Variants in SMC1A observed in about 807,000 individuals in gnomAD.
SMC1A encodes structural maintenance of chromosomes 1A.
In SMC1A, 4 loss-of-function variants were observed where a neutral mutation model predicts 94.5. The ratio of observed to expected loss-of-function variants is 0.04; its 90% CI spans 0.02 to 0.10. SMC1A has a LOEUF of 0.10. SMC1A is among the 10% of genes least tolerant of loss of function. The pLI, the probability that SMC1A is intolerant of heterozygous loss-of-function variation, is 1.00. For synonymous variants in SMC1A, 345 were observed against 347.7 expected, an observed-to-expected ratio of 0.99 and a Z score of 0.09; for missense variants, 304 against 989.0, an observed-to-expected ratio of 0.31 and a Z score of 9.29.
intron 19 of SMC1A, among the ~76,000 whole-genome samples, chrX:53,384,410 C>T (rs782442051): frequency 9.1e-6 from 1 of 109,702 alleles, no homozygotes; most frequent in East Asian, 2.9e-4. Context: ...ACTACGGACA[C>T]GCACAACCAT....
chrX:53,391,711 T>C lies in SMC1A; in HGVS notation c.2973+3067A>G, dbSNP rs139983911. Among the ~76,000 whole-genome samples the C allele has an allele frequency of 3.7e-3, 417 of 111,359 alleles. 10 individuals carry two copies. The East Asian group carries it at 0.098, about 26-fold the overall frequency. ...CCAGCTAATTTTTAAAAATTAGCTC[T>C]TGGGCTCAAGCAATCCTCCTGCCTT... On this transcript the variant is annotated intron_variant, in intron 19 of 24. Coordinates refer to ENST00000322213, the MANE Select transcript of SMC1A (RefSeq NM_006306.4).
chrX:53,382,522 C>A lies in SMC1A; in HGVS notation c.3269G>T (p.Arg1090Leu). The A allele has an allele frequency of 8.3e-7, 1 of 1,209,747 alleles. No homozygotes were observed. The highest frequency in any genetic ancestry group is 1.1e-6 in the Non-Finnish European group (1 of 894,502). The change falls in exon 21 of 25, where the codon CGC (arginine) becomes CTC (leucine). Residue 1090 changes from arginine (R) to leucine (L), a missense_variant. Arg to Leu is a moderately radical substitution (Grantham distance 102). Transcript: ENST00000322213. ...NIDEIYKALS[R>L]NSSAQAFLGP... is the part of the protein sequence containing the mutation. ...CCAGCCTACCTGGGCACTGCTATTG[C>A]GGGACAGGGCCTTATAGATCTCATC...
intron 15 of SMC1A, among the ~76,000 whole-genome samples, chrX:53,402,465 G>A (rs1433305361): frequency 1.8e-5 from 2 of 108,585 alleles, no homozygotes; most frequent in African/African-American, 3.4e-5. Flanking sequence ...TCCACCTCAC[G>A]TTGCCCATTA....
intron 7 of SMC1A, 29 bp downstream of exon 7, chrX:53,411,732 T>C: frequency 8.3e-7 from 1 of 1,201,424 alleles, no homozygotes. Flanking sequence ...CTGTGGACCA[T>C]CATCCCTAAT....
chrX:53,414,753 C>T lies in SMC1A; in HGVS notation c.411+5G>A. 3 of 1,166,241 alleles carry T rather than the reference C, an allele frequency of 2.6e-6. No homozygotes were observed. Among genetic ancestry groups the T allele is most frequent in the Non-Finnish European group, 3.5e-6 (3 of 853,953 alleles). On this transcript the variant is annotated splice_donor_5th_base_variant and intron_variant, in intron 3 of 24. Transcript: ENST00000322213. ...AGATAGCCAATAACTGTTAAAAACGCCCACCTGGAAAACGAGGAAGTTACG... is the reference window on the plus strand; with the variant it reads ...AGATAGCCAATAACTGTTAAAAACGTCCACCTGGAAAACGAGGAAGTTACG...
At position 53,394,953 on chromosome X, in the gene SMC1A, T is replaced by C. The variant is rs868926690; in HGVS notation, c.2863-65A>G. The C allele has an allele frequency of 7.1e-5, 46 of 646,126 alleles. No homozygotes were observed. The African/African-American group carries it at 8.4e-4, about 12-fold the overall frequency. 53.2% of individuals were successfully genotyped at this position (646,126 alleles called of 1,213,427 possible). ...ATGAGAGTGCACCTCTATAGGGAGC[T>C]CCTTTGCAGCCTTCAATCTTTGAGA... On this transcript the variant is annotated intron_variant, in intron 18 of 24. Transcript: ENST00000322213.
chrX:53,385,729 C>T lies in SMC1A; in HGVS notation c.2974-2476G>A, dbSNP rs2075602354. Among the ~76,000 whole-genome samples, 3 of 111,276 alleles carry T rather than the reference C, an allele frequency of 2.7e-5. No homozygotes were observed. In the South Asian group the frequency reaches 1.1e-3, roughly 42 times the overall value. ...AAAAACTAATTAAAGGGTTATCTAT[C>T]GAGAAAGAGAGGTGAAGGGGACAGG... On this transcript the variant is annotated intron_variant, in intron 19 of 24. Transcript: ENST00000322213.
At chrX:53,392,970 T>C (rs1390578933) in intron 19 of SMC1A, among the ~76,000 whole-genome samples, 3 of 112,127 alleles carry the variant, frequency 2.7e-5, no homozygotes, top group Admixed American at 1.9e-4. Context: ...TTCAGGAGGA[T>C]TGGATATAGA....
At chrX:53,393,982 C>T (rs1487222243) in intron 19 of SMC1A, among the ~76,000 whole-genome samples, 1 of 108,604 alleles carries the variant, frequency 9.2e-6, no homozygotes, top group African/African-American at 3.4e-5. Flanking sequence ...CATGGTAGAA[C>T]CCCGCCTCTA....
At chrX:53,401,321 C>T (rs1312631100) in intron 15 of SMC1A, among the ~76,000 whole-genome samples, 3 of 111,984 alleles carry the variant, frequency 2.7e-5, no homozygotes, top group African/African-American at 9.7e-5. Flanking sequence ...GTTTCAATCC[C>T]CAATTTCCAT....
At chrX:53,416,177 C>T (rs1320133739) in intron 1 of SMC1A, among the ~76,000 whole-genome samples, 1 of 105,633 alleles carries the variant, frequency 9.5e-6, no homozygotes, top group Non-Finnish European at 1.9e-5. Flanking sequence ...GTGGCGGGCG[C>T]CTGTAATCCC....
In SMC1A at chrX:53,378,176, T is replaced by G. The variant is rs1393770362; in HGVS notation, c.*1927A>C. ...TTGGAAGTATTATTAAAAACCAATA[T>G]ATAAATATCCTATGACTTTGCAATT... On this transcript the variant is annotated 3_prime_UTR_variant, in exon 25 of 25. Coordinates refer to ENST00000322213, the MANE Select transcript of SMC1A (RefSeq NM_006306.4). The G allele has an allele frequency of 2.7e-5, 3 of 111,703 alleles. No individual in the cohort carries two copies. The highest frequency in any genetic ancestry group is 5.6e-5 in the Non-Finnish European group (3 of 53,162). The allele number at this position is 111,703 out of a possible 1,213,427, so 9.2% of individuals were successfully genotyped here. A position where few individuals can be genotyped will look rare whatever the true frequency, so the allele number is the denominator to read the frequency against.
At chrX:53,402,614 C>T (rs1428339579) in intron 15 of SMC1A, among the ~76,000 whole-genome samples, 1 of 105,003 alleles carries the variant, frequency 9.5e-6, no homozygotes, top group Middle Eastern at 4.5e-3. Flanking sequence ...CCTGTAATCC[C>T]AGCACTTTGG....
chrX:53,418,715 G>A, intron 1 of SMC1A, among the ~76,000 whole-genome samples: 1 of 112,116 alleles, frequency 8.9e-6, no homozygotes, highest in Non-Finnish European at 1.9e-5. Context: ...TTACAGGCAT[G>A]AGCCACCGTT....
At position 53,380,699 on chromosome X, in the gene SMC1A, C is replaced by T. The variant is rs1312716558; in HGVS notation, c.3539G>A (p.Cys1180Tyr). 8.3e-7 allele frequency: 1 copy of T among 1,209,841 alleles called. No homozygotes were observed. Among genetic ancestry groups the T allele is most frequent in the Non-Finnish European group, 1.1e-6 (1 of 893,751 alleles). ...VANYIKEQST[C>Y]NFQAIVISLK... ...AGAGATGACGATGGCCTGGAAGTTG[C>T]AAGTCGACTGCTCCTTGATGTAATT... The change falls in exon 24 of 25, where the codon TGC (cysteine) becomes TAC (tyrosine). Residue 1180 changes from cysteine (C) to tyrosine (Y), a missense_variant. This residue lies in a region of SMC1A where 24 missense variants were observed against 43.5 expected (regional missense o/e 0.55). Coordinates refer to ENST00000322213, the MANE Select transcript of SMC1A (RefSeq NM_006306.4).
In SMC1A at chrX:53,396,612, T is replaced by A; in HGVS notation, c.2568A>T (p.Glu856Asp). 2 of 1,208,030 alleles carry A rather than the reference T, an allele frequency of 1.7e-6. No homozygotes were observed. Among genetic ancestry groups the A allele is most frequent in the Non-Finnish European group, 2.2e-6 (2 of 895,012 alleles). Residue 856 changes from glutamate to aspartate, a missense_variant, in exon 17 of 25, where the codon GAA becomes GAT. By Grantham distance (45) the Glu-to-Asp change is conservative. Transcript: ENST00000322213. ...ENEIEKLKKE[E>D]QRHMKIIDET... ...CATCTATGATCTTCATGTGTCTTTGTTCCTCCTGGTCCCAGCAGTGGGAAC... is the reference window on the plus strand; with the variant it reads ...CATCTATGATCTTCATGTGTCTTTGATCCTCCTGGTCCCAGCAGTGGGAAC...
In SMC1A at chrX:53,395,600, C is replaced by G. The variant is rs782565050; in HGVS notation, c.2862+627G>C. 7.6e-4 allele frequency among the ~76,000 whole-genome samples: 85 copies of G among 111,921 alleles called. 2 individuals carry two copies. In the South Asian group the frequency reaches 0.031, roughly 41 times the overall value. Reference sequence around the variant, plus strand: ...TGGAAAGTGAGGAGGGAGAAAGATACATGGGACTGAGATATATAACCAGGT... The same window carrying G: ...TGGAAAGTGAGGAGGGAGAAAGATAGATGGGACTGAGATATATAACCAGGT... On this transcript the variant is annotated intron_variant, in intron 18 of 24. Transcript: ENST00000322213.
At chrX:53,392,242 T>A (rs2075632331) in intron 19 of SMC1A, among the ~76,000 whole-genome samples, 2 of 107,786 alleles carry the variant, frequency 1.9e-5, no homozygotes, top group Admixed American at 2.0e-4. Flanking sequence ...TACAAAAAAA[T>A]TTAGCCGGGC....
In SMC1A at chrX:53,414,798, A is replaced by G. The variant is rs1556891045; in HGVS notation, c.371T>C (p.Leu124Ser). The change falls in exon 3 of 25, where the codon TTG becomes TCG. Residue 124 changes from leucine to serine, a missense_variant. Transcript: ENST00000322213. ...LHEYSEELEKLGILIKARNFL... is the reference protein window; with the variant it reads ...LHEYSEELEKSGILIKARNFL... ...GTTACGAGCTTTGATGAGAATGCCC[A>G]ACTTCTCTAATTCCTCACTGTACTC... 7 of 1,209,213 alleles carry G rather than the reference A, an allele frequency of 5.8e-6. No individual in the cohort carries two copies. Among genetic ancestry groups the G allele is most frequent in the Non-Finnish European group, 7.8e-6 (7 of 893,104 alleles).
Sources: gnomAD v4.1 joint callset for allele counts (sites outside exome capture counted in the v4.1 genomes callset) on GRCh38, gnomAD v4.1.1 for gene constraint, gnomAD v4.1.1 regional missense constraint, MANE v1.5 for transcripts, NCBI Gene and HGNC (gene_info 2026-07-23, HGNC 2026-07-21) for gene names.